Variants in MEIOC observed in about 807,000 individuals in gnomAD.
The protein encoded by MEIOC is meiosis specific with coiled-coil domain.
MEIOC carries 9 observed loss-of-function variants against 85.3 expected under a neutral mutation model. That is an observed-to-expected ratio of 0.11 (90% CI 0.06 to 0.18). The LOEUF (loss-of-function observed/expected upper bound fraction) is 0.18, where lower values mean the gene tolerates loss of function less well. Among genes scored for constraint, MEIOC ranks in the 10% least tolerant of loss-of-function variants. MEIOC has a pLI of 1.00. For missense variants in MEIOC, 898 were observed against 1,129.4 expected (o/e 0.80, Z 2.94); for synonymous variants, 365 against 393.7 (o/e 0.93, Z 0.86).
At chr17:44,671,501 G>A (rs919837218) in intron 6 of MEIOC, among the ~76,000 whole-genome samples, 2 of 150,526 alleles carry the variant, frequency 1.3e-5, no homozygotes, top group Admixed American at 1.3e-4. Flanking sequence ...AGTGAGCTGA[G>A]ATGATACCAC....
Position 44,668,068 on chromosome 17 carries a change from C to T in MEIOC, c.2157C>T (p.Tyr719=). 13 of 1,613,232 alleles carry T rather than the reference C, an allele frequency of 8.1e-6. No individual in the cohort carries two copies. Among genetic ancestry groups the T allele is most frequent in the Non-Finnish European group, 1.0e-5 (12 of 1,179,448 alleles). The change falls in exon 5 of 8, where the codon TAC becomes TAT. Residue 719 remains tyrosine, a synonymous_variant. Transcript: ENST00000409122. ...LLSYDDLSHL[Y]PYFNMMYGDN... is the part of the protein sequence containing the mutation. The stretch of plus-strand genomic sequence containing the variant: ...CTTATGATGACTTAAGCCATTTGTA[C>T]CCTTATTTTAATATGATGTATGGTG...
At chr17:44,669,763 G>A in intron 6 of MEIOC, 1 of 397,150 alleles carries the variant, frequency 2.5e-6, no homozygotes, top group Non-Finnish European at 4.7e-6. Context: ...GGGAGGCTGA[G>A]GCAGGAGAAT....
intron 2 of MEIOC, among the ~76,000 whole-genome samples, chr17:44,658,642 A>T (rs1971802565): frequency 6.6e-6 from 1 of 151,574 alleles, no homozygotes; most frequent in Non-Finnish European, 1.5e-5. Context: ...TAAAAATACA[A>T]AAATCAGCCG....
Sources: gnomAD v4.1 joint callset for allele counts (sites outside exome capture counted in the v4.1 genomes callset) on GRCh38, gnomAD v4.1.1 for gene constraint, MANE v1.5 for transcripts, NCBI Gene and HGNC (gene_info 2026-07-23, HGNC 2026-07-21) for gene names.